Variants in ERICH1 observed in about 807,000 individuals in gnomAD.
ERICH1 encodes glutamate rich 1.
Under a neutral mutation model 39.6 loss-of-function variants are expected in ERICH1, and 56 were observed. The ratio of observed to expected loss-of-function variants is 1.41; its 90% CI spans 1.14 to 1.77. The LOEUF is 1.77. Among genes scored for constraint, ERICH1 ranks in the 40% most tolerant of loss-of-function variants. The pLI is 0.00. For synonymous variants in ERICH1, 313 were observed against 223.6 expected (o/e 1.40, Z -3.57); for missense variants, 826 against 575.4 (o/e 1.44, Z -4.45).
At chr8:650,941 G>A (rs554919596) in intron 3 of ERICH1, among the ~76,000 whole-genome samples, 8 of 152,290 alleles carry the variant, frequency 5.3e-5, no homozygotes, top group Admixed American at 6.5e-5. Flanking sequence ...TCACCAAGGC[G>A]GTGTATAAAC....
intron 3 of ERICH1, among the ~76,000 whole-genome samples, chr8:636,815 C>A (rs150483662): frequency 3.1e-4 from 47 of 152,354 alleles, no homozygotes; most frequent in African/African-American, 1.1e-3. Context: ...CTGGGCTCTG[C>A]CCTCCCGTCC....
intron 1 of ERICH1, among the ~76,000 whole-genome samples, chr8:726,783 A>C (rs1333310417): frequency 6.6e-6 from 1 of 151,844 alleles, no homozygotes; most frequent in African/African-American, 2.4e-5. Flanking sequence ...ACACATACAC[A>C]CATACATGAA....
intron 3 of ERICH1, among the ~76,000 whole-genome samples, chr8:679,519 G>C (rs1318166067): frequency 1.3e-5 from 2 of 150,260 alleles, no homozygotes; most frequent in Non-Finnish European, 3.0e-5. Context: ...CAAGGGCATT[G>C]CAAGAAGGGA....
intron 3 of ERICH1, among the ~76,000 whole-genome samples, chr8:688,450 G>A (rs1585322030): frequency 6.6e-6 from 1 of 151,846 alleles, no homozygotes; most frequent in Non-Finnish European, 1.5e-5. Context: ...CATTCTGTAG[G>A]CCAGGCTCAC....
At chr8:677,342 G>A (rs546574460) in intron 3 of ERICH1, among the ~76,000 whole-genome samples, 1 of 152,320 alleles carries the variant, frequency 6.6e-6, no homozygotes, top group East Asian at 1.9e-4. Context: ...GCCGCTTTGT[G>A]GAAGAGAGTT....
chr8:625,338 A>C (rs1797541091), intron 3 of ERICH1, among the ~76,000 whole-genome samples: 1 of 152,200 alleles, frequency 6.6e-6, no homozygotes, highest in African/African-American at 2.4e-5. Flanking sequence ...ATAAACCCTG[A>C]AACCACGACG....
At chr8:720,808 A>G (rs1185565570) in intron 1 of ERICH1, among the ~76,000 whole-genome samples, 2 of 152,222 alleles carry the variant, frequency 1.3e-5, no homozygotes, top group Non-Finnish European at 2.9e-5. Context: ...CTAGTGAAGG[A>G]AAACGTCTTT....
chr8:710,078 T>C (rs904154437), intron 2 of ERICH1, among the ~76,000 whole-genome samples: 1 of 152,216 alleles, frequency 6.6e-6, no homozygotes, highest in African/African-American at 2.4e-5. Context: ...CCCATTATCA[T>C]CACCGTCAGA....
rs879470304 is a variant in ERICH1, at chr8:622,958, A to ATAAATAAG, written c.977-7675_977-7674insCTTATTTA. On this transcript the variant is annotated intron_variant, in intron 3 of 3. Coordinates refer to the ERICH1 transcript ENST00000522706. Reference sequence around the variant, plus strand: ...GGGCAACAGAGGAGATCCGCTCTCAATAAATAAATAAATAAATAAATAAAT... The same window carrying ATAAATAAG: ...GGGCAACAGAGGAGATCCGCTCTCAATAAATAAGTAAATAAATAAATAAATAAATAAAT... Among the ~76,000 whole-genome samples, 37 of 147,038 alleles carry ATAAATAAG rather than the reference A, an allele frequency of 2.5e-4. 1 individual carries two copies. The highest frequency in any genetic ancestry group is 1.9e-3 in the Admixed American group (29 of 15,024).
At chr8:651,096 A>G (rs1799889297) in intron 3 of ERICH1, among the ~76,000 whole-genome samples, 1 of 152,226 alleles carries the variant, frequency 6.6e-6, no homozygotes, top group Non-Finnish European at 1.5e-5. Flanking sequence ...CTTATCACAC[A>G]TCTTGCCATG....
chr8:708,982 C>A (rs372755330), intron 2 of ERICH1, among the ~76,000 whole-genome samples: 3 of 152,006 alleles, frequency 2.0e-5, no homozygotes, highest in African/African-American at 7.3e-5. Context: ...GGGTGAGCCA[C>A]TTTGCCCGGC....
intron 2 of ERICH1, among the ~76,000 whole-genome samples, chr8:709,685 G>A (rs1814259692): frequency 2.0e-5 from 3 of 152,120 alleles, no homozygotes; most frequent in Admixed American, 2.0e-4. Flanking sequence ...AAACTTCAAA[G>A]GCCAAGTGCT....
At chr8:705,310 C>G (rs1468672840) in intron 2 of ERICH1, among the ~76,000 whole-genome samples, 1 of 152,260 alleles carries the variant, frequency 6.6e-6, no homozygotes, top group African/African-American at 2.4e-5. Context: ...ACGTGCATCT[C>G]AACGGACACT....
At chr8:647,057 G>T (rs1460498443) in intron 3 of ERICH1, among the ~76,000 whole-genome samples, 1 of 70,032 alleles carries the variant, frequency 1.4e-5, no homozygotes, top group Non-Finnish European at 4.5e-5. Flanking sequence ...GTTCAGGTGT[G>T]GACGCCAAGG....
At chr8:616,941 AGGGAGAGG>A (rs1796953204) in intron 3 of ERICH1, among the ~76,000 whole-genome samples, 1 of 50,272 alleles carries the variant, frequency 2.0e-5, no homozygotes, top group African/African-American at 1.5e-4. Context: ...AGAGAGAGAG[AGGGAGAGG>A]GAGACAGAGA....
intron 3 of ERICH1, among the ~76,000 whole-genome samples, chr8:657,065 T>C (rs1800751831): frequency 6.6e-6 from 1 of 152,248 alleles, no homozygotes; most frequent in Non-Finnish European, 1.5e-5. Flanking sequence ...GATTTTTTTA[T>C]ACAACAGCAA....
intron 5 of ERICH1, among the ~76,000 whole-genome samples, chr8:665,313 G>A (rs566943163): frequency 6.6e-4 from 100 of 152,256 alleles, no homozygotes; most frequent in Non-Finnish European, 7.1e-4. Flanking sequence ...CTCTGAGCCC[G>A]CCGGCCCTGG....
chr8:625,123 C>T (rs761055215), intron 3 of ERICH1, among the ~76,000 whole-genome samples: 1 of 152,204 alleles, frequency 6.6e-6, no homozygotes, highest in Admixed American at 6.5e-5. Flanking sequence ...CACCAGCTCC[C>T]TCCTCCAACA....
intron 2 of ERICH1, among the ~76,000 whole-genome samples, chr8:702,076 C>CAAAAA (rs60476920): frequency 3.4e-5 from 3 of 88,152 alleles, no homozygotes; most frequent in African/African-American, 4.8e-5. Flanking sequence ...GACTACATCT[C>CAAAAA]AAAAAAAAAA....
Sources: allele counts gnomAD v4.1 joint callset (sites outside exome capture counted in the v4.1 genomes callset), GRCh38; gene constraint gnomAD v4.1.1; transcripts MANE v1.5; gene names NCBI Gene and HGNC (gene_info 2026-07-23, HGNC 2026-07-21).